GLT1D1: variants seen among roughly 807,000 people sequenced by gnomAD.
GLT1D1 encodes glycosyltransferase 1 domain containing 1, also known as glycosyltransferase 1 domain-containing protein 1.
In GLT1D1, 21 loss-of-function variants were observed where a neutral mutation model predicts 28.7. That is an observed-to-expected ratio of 0.73 (90% CI 0.52 to 1.05). The LOEUF is 1.05. GLT1D1 is among the 50% of genes least tolerant of loss of function. The pLI, the probability that GLT1D1 is intolerant of heterozygous loss-of-function variation, is 0.00. For synonymous variants in GLT1D1, 147 were observed against 124.8 expected, an observed-to-expected ratio of 1.18 and a Z score of -1.19; for missense variants, 343 against 330.6, an observed-to-expected ratio of 1.04 and a Z score of -0.29.
chr12:128,872,700 A>G (rs1956728227), intron 1 of GLT1D1, among the ~76,000 whole-genome samples: 1 of 152,134 alleles, frequency 6.6e-6, no homozygotes, highest in Non-Finnish European at 1.5e-5. Flanking sequence ...TGCAGGTTTT[A>G]ATCAGAAAAG....
intron 1 of GLT1D1, among the ~76,000 whole-genome samples, chr12:128,865,982 G>A (rs537148693): frequency 6.6e-6 from 1 of 152,018 alleles, no homozygotes; most frequent in South Asian, 2.1e-4. Flanking sequence ...GTGTGAAGGT[G>A]ATATGCAAAT....
At chr12:128,982,797 AG>A (rs1880466510) in intron 7 of GLT1D1, 131 bp from the exon 12 acceptor site, 1 of 694,766 alleles carries the variant, frequency 1.4e-6, no homozygotes, top group Non-Finnish European at 2.5e-6. Context: ...CCCTCCTAAA[AG>A]TCACTCTCTC....
In GLT1D1 at chr12:128,864,483, T is replaced by C. The variant is rs563645647; in HGVS notation, c.68+10834T>C. Among the ~76,000 whole-genome samples the C allele has an allele frequency of 2.2e-4, 34 of 152,280 alleles. 1 individual carries two copies. Among genetic ancestry groups the C allele is most frequent in the Admixed American group, 1.8e-3 (27 of 15,292 alleles). On this transcript the variant is annotated intron_variant, in intron 1 of 7. Coordinates refer to ENST00000281703, the MANE Select transcript of GLT1D1 (RefSeq NM_144669.3). Reference sequence around the variant, plus strand: ...CAAAGGGGCAGTGAGGGTTGGCACCTGAAGGTCCGTGGAGATCTTGTCTGA... The same window carrying C: ...CAAAGGGGCAGTGAGGGTTGGCACCCGAAGGTCCGTGGAGATCTTGTCTGA...
chr12:128,974,878 G>A (rs563107582), intron 7 of GLT1D1, among the ~76,000 whole-genome samples: 1 of 152,350 alleles, frequency 6.6e-6, no homozygotes, highest in East Asian at 1.9e-4. Context: ...CTCCACTGGA[G>A]GCCCTTGGCC....
chr12:128,980,575 G>A (rs952763388), intron 7 of GLT1D1, among the ~76,000 whole-genome samples: 13 of 152,170 alleles, frequency 8.5e-5, no homozygotes, highest in East Asian at 1.9e-4. Flanking sequence ...GTCTTCTGGC[G>A]GCTGGCCTGG....
At chr12:128,956,166 A>AT (rs1877265486) in intron 6 of GLT1D1, among the ~76,000 whole-genome samples, 1 of 81,938 alleles carries the variant, frequency 1.2e-5, no homozygotes, top group Non-Finnish European at 3.3e-5. Flanking sequence ...CTCAAAAAAA[A>AT]AAAAAAGAGA....
chr12:128,931,273 T>C (rs1156467334), intron 4 of GLT1D1, among the ~76,000 whole-genome samples: 2 of 151,386 alleles, frequency 1.3e-5, no homozygotes, highest in African/African-American at 4.9e-5. Context: ...AATCCTGGGA[T>C]TACAGGCTTG....
In GLT1D1 at chr12:128,926,452, C is replaced by T. The variant is rs1048536150; in HGVS notation, c.376-18874C>T. The stretch of plus-strand genomic sequence containing the variant: ...CCTCTCTATCTGGTGGACGCATTTT[C>T]AGGTGTGTTTGCTGGCTACCTTCCT... On this transcript the variant is annotated intron_variant, in intron 4 of 7. Transcript: ENST00000281703. 3.1e-5 allele frequency: 46 copies of T among 1,501,308 alleles called. No homozygotes were observed. In the African/African-American group the frequency reaches 5.0e-4, roughly 16 times the overall value. 93.0% of individuals were successfully genotyped at this position (1,501,308 alleles called of 1,614,324 possible). A position where few individuals can be genotyped will look rare whatever the true frequency, so the allele number is the denominator to read the frequency against.
At chr12:128,887,034 C>T (rs1255772375) in intron 2 of GLT1D1, among the ~76,000 whole-genome samples, 12 of 148,014 alleles carry the variant, frequency 8.1e-5, no homozygotes, top group African/African-American at 1.8e-4. Context: ...TTTTTTGAGG[C>T]GGAGTCTCGC....
At chr12:128,863,668 G>A (rs910353989) in intron 1 of GLT1D1, among the ~76,000 whole-genome samples, 1 of 152,168 alleles carries the variant, frequency 6.6e-6, no homozygotes, top group Non-Finnish European at 1.5e-5. Flanking sequence ...GTGAGCCACC[G>A]CACCTGGCCT....
chr12:128,860,830 C>A (rs1211002713), intron 1 of GLT1D1, among the ~76,000 whole-genome samples: 2 of 152,136 alleles, frequency 1.3e-5, no homozygotes, highest in Admixed American at 6.6e-5. Context: ...GGTCCCCACC[C>A]CCCTCTGATC....
chr12:128,948,476 C>T (rs2135496848), intron 6 of GLT1D1, among the ~76,000 whole-genome samples: 1 of 152,270 alleles, frequency 6.6e-6, no homozygotes, highest in Admixed American at 6.5e-5. Context: ...TCTCAGCACA[C>T]ACACTGCACA....
intron 1 of GLT1D1, among the ~76,000 whole-genome samples, chr12:128,865,787 A>G (rs1956497524): frequency 6.6e-6 from 1 of 152,144 alleles, no homozygotes. Flanking sequence ...GCACCACTGC[A>G]CGCCAGCCTG....
chr12:128,959,461 TG>T (rs1234351104), intron 7 of GLT1D1, among the ~76,000 whole-genome samples: 1 of 8,264 alleles, frequency 1.2e-4, no homozygotes, highest in Non-Finnish European at 2.5e-4. Context: ...CGGCGGGTGG[TG>T]GGGGGGCAGC....
chr12:128,913,418 A>G (rs1318253089), intron 4 of GLT1D1, among the ~76,000 whole-genome samples: 1 of 152,030 alleles, frequency 6.6e-6, no homozygotes, highest in African/African-American at 2.4e-5. Flanking sequence ...ACAGGGTTTT[A>G]CTGTGTTGGC....
chr12:128,865,748 G>A (rs935146662), intron 1 of GLT1D1, among the ~76,000 whole-genome samples: 1 of 152,036 alleles, frequency 6.6e-6, no homozygotes, highest in Non-Finnish European at 1.5e-5. Context: ...CTTGAACCTG[G>A]GAGACAGAGG....
At chr12:128,978,500 G>C (rs923636797) in intron 7 of GLT1D1, among the ~76,000 whole-genome samples, 1 of 152,190 alleles carries the variant, frequency 6.6e-6, no homozygotes, top group Non-Finnish European at 1.5e-5. Flanking sequence ...GACCTGGGTG[G>C]CCTCAGAGGC....
rs201930455 is a variant in GLT1D1, at chr12:128,876,014, G to A, written c.169G>A (p.Glu57Lys). 1.6e-4 allele frequency: 266 copies of A among 1,613,900 alleles called. 1 individual carries two copies. The East Asian group carries it at 4.9e-3, about 30-fold the overall frequency. ...AAACCTCATCTTGGCTGAGAACTGCGAGGCTGCCCTGGCTCTTCATCTCTA... is the reference window on the plus strand; with the variant it reads ...AAACCTCATCTTGGCTGAGAACTGCAAGGCTGCCCTGGCTCTTCATCTCTA... Residue 57 changes from glutamate to lysine, a missense_variant, in exon 2 of 8, where the codon GAG (glutamate) becomes AAG (lysine). Physicochemically the swap from Glu to Lys is moderately conservative, Grantham distance 56. Transcript: ENST00000281703.
intron 4 of GLT1D1, among the ~76,000 whole-genome samples, chr12:128,942,731 C>CTTTTTTTTT (rs1566157133): frequency 1.7e-5 from 2 of 114,488 alleles, no homozygotes; most frequent in African/African-American, 7.8e-5. Flanking sequence ...TTCCAATTTT[C>CTTTTTTTTT]TTTGTTTGTT....
Sources: allele counts gnomAD v4.1 joint callset (sites outside exome capture counted in the v4.1 genomes callset), GRCh38; gene constraint gnomAD v4.1.1; transcripts MANE v1.5; gene names NCBI Gene and HGNC (gene_info 2026-07-23, HGNC 2026-07-21).